The following LMO7 variants were observed in gnomAD, a reference collection of about 807,000 sequenced individuals.
LMO7 encodes LIM domain 7.
In LMO7, 120 loss-of-function variants were observed where a neutral mutation model predicts 206.5. The observed-to-expected ratio is 0.58, with a 90% CI of 0.50 to 0.68. The LOEUF is 0.68. Among genes scored for constraint, LMO7 ranks in the 30% least tolerant of loss-of-function variants. The probability of loss-of-function intolerance (pLI) is 0.00; values close to 1 mark genes in which losing one functional copy is unlikely to be tolerated. For missense variants in LMO7, 1,959 were observed against 1,957.9 expected (o/e 1.00, Z -0.01); for synonymous variants, 706 against 681.5 (o/e 1.04, Z -0.56).
At chr13:75,652,724 T>A (rs1263831427) in intron 1 of LMO7, among the ~76,000 whole-genome samples, 3 of 151,348 alleles carry the variant, frequency 2.0e-5, no homozygotes, top group Admixed American at 6.6e-5. Context: ...TTACAATTAT[T>A]GCCAATGCAG....
chr13:75,633,369 T>C (rs984209488), upstream of LMO7, among the ~76,000 whole-genome samples: 10 of 152,128 alleles, frequency 6.6e-5, no homozygotes, highest in African/African-American at 2.4e-4. Flanking sequence ...AGACTAGAGA[T>C]AGTGCCAATA....
At chr13:75,726,395 G>C (rs2044477092) in intron 2 of LMO7, among the ~76,000 whole-genome samples, 1 of 151,966 alleles carries the variant, frequency 6.6e-6, no homozygotes, top group Admixed American at 6.6e-5. Context: ...ACTTAAACTG[G>C]TTCTGTTTAA....
rs1038300568 is a variant in LMO7, at chr13:75,796,862, G to A, written c.462+113G>A. 7.3e-6 allele frequency: 5 copies of A among 682,240 alleles called. No homozygotes were observed. The Admixed American group carries it at 7.4e-5, about 10-fold the overall frequency. 42.3% of individuals were successfully genotyped at this position (682,240 alleles called of 1,614,324 possible). On this transcript the variant is annotated intron_variant, in intron 6 of 30. Transcript: ENST00000377534. ...CCTCTATAACAAATATGGCAACTCCGACTCTCTTTGTCCTACTATCAATTG... is the reference window on the plus strand; with the variant it reads ...CCTCTATAACAAATATGGCAACTCCAACTCTCTTTGTCCTACTATCAATTG...
chr13:75,711,469 A>ATTT (rs2043116444), intron 1 of LMO7, among the ~76,000 whole-genome samples: 1 of 152,130 alleles, frequency 6.6e-6, no homozygotes, highest in Admixed American at 6.5e-5. Context: ...TATTGCCTCA[A>ATTT]TTTCAGAGCC....
chr13:75,854,026 T>C (rs533837219), intron 28 of LMO7, among the ~76,000 whole-genome samples: 1 of 152,280 alleles, frequency 6.6e-6, no homozygotes, highest in South Asian at 2.1e-4. Context: ...GGGAAGTGTA[T>C]ATGTTATGAT....
intron 1 of LMO7, among the ~76,000 whole-genome samples, chr13:75,622,943 T>C (rs989897246): frequency 2.2e-4 from 33 of 152,206 alleles, no homozygotes; most frequent in Admixed American, 2.2e-3. Context: ...AATTATTTTG[T>C]TGAAGAAACT....
chr13:75,776,878 T>G (rs561971698), intron 4 of LMO7, among the ~76,000 whole-genome samples: 1 of 152,352 alleles, frequency 6.6e-6, no homozygotes, highest in East Asian at 1.9e-4. Flanking sequence ...TGTGAATTGT[T>G]AATTTGAGAA....
At chr13:75,676,486 G>T (rs1430017231) in intron 1 of LMO7, among the ~76,000 whole-genome samples, 1 of 152,186 alleles carries the variant, frequency 6.6e-6, no homozygotes. Context: ...TAAGCAATGT[G>T]GTAGGTAATG....
Position 75,767,083 on chromosome 13 carries a change from G to A in LMO7, c.317+6045G>A, listed in dbSNP as rs545721239. Among the ~76,000 whole-genome samples the A allele has an allele frequency of 1.6e-4, 25 of 152,186 alleles. No homozygotes were observed. In the South Asian group the frequency reaches 4.2e-3, roughly 25 times the overall value. On this transcript the variant is annotated intron_variant, in intron 4 of 30. Coordinates refer to ENST00000377534, the MANE Select transcript of LMO7 (RefSeq NM_001306080.2). ...AAAACTTATGCAGTTTAAGAGGAGC[G>A]TGTGTTTCATTTCTGTATGTAATAA... is the stretch of plus-strand genomic sequence containing the variant.
chr13:75,746,157 C>G (rs1313119450), intron 3 of LMO7, among the ~76,000 whole-genome samples: 5 of 151,862 alleles, frequency 3.3e-5, no homozygotes, highest in Non-Finnish European at 7.4e-5. Flanking sequence ...GGCTTTTGCA[C>G]CAGTAGTTTA....
At chr13:75,679,158 G>A (rs2040273238) in intron 1 of LMO7, among the ~76,000 whole-genome samples, 1 of 152,112 alleles carries the variant, frequency 6.6e-6, no homozygotes. Flanking sequence ...TTGTATATAA[G>A]AAACATTGTA....
In LMO7 at chr13:75,733,915, T is replaced by A. The variant is rs368917292; in HGVS notation, c.210+6817T>A. 5.3e-5 allele frequency among the ~76,000 whole-genome samples: 8 copies of A among 152,346 alleles called. No homozygotes were observed. The East Asian group carries it at 9.7e-4, about 18-fold the overall frequency. On this transcript the variant is annotated intron_variant, in intron 3 of 30. Transcript: ENST00000377534. ...TGAAGCTCAGCCCTGTGTGCGCTGT[T>A]TGCTGGCTACCACAATGGTGGCCCA...
intron 14 of LMO7, among the ~76,000 whole-genome samples, chr13:75,822,974 G>A (rs916404155): frequency 6.6e-6 from 1 of 151,744 alleles, no homozygotes; most frequent in African/African-American, 2.4e-5. Context: ...AACTTTAAAT[G>A]CACATCAAAT....
intron 3 of LMO7, among the ~76,000 whole-genome samples, chr13:75,735,364 TAC>T (rs139581801): frequency 1.4e-4 from 21 of 150,092 alleles, no homozygotes; most frequent in Middle Eastern, 3.4e-3. Flanking sequence ...TGTATTTGTA[TAC>T]ACACACACAC....
chr13:75,621,968 A>G, intron 1 of LMO7: 3 of 751,384 alleles, frequency 4.0e-6, no homozygotes, highest in Non-Finnish European at 3.9e-6. Context: ...GTAGGTGGAA[A>G]AGAGGTCAGT....
Position 75,807,765 on chromosome 13 carries a change from A to G in LMO7, c.1482A>G (p.Val494=). 3.1e-6 allele frequency: 5 copies of G among 1,614,032 alleles called. No homozygotes were observed. Among genetic ancestry groups the G allele is most frequent in the Non-Finnish European group, 4.2e-6 (5 of 1,179,892 alleles). ...FRKFSEQDDS[V]ERDIILQCRE... is the part of the protein sequence containing the mutation. ...AGTTCTCTGAGCAAGATGATTCTGT[A>G]GAGCGAGATATAATTTTACAGTGTA... is the stretch of plus-strand genomic sequence containing the variant. The change falls in exon 10 of 31, where the codon GTA becomes GTG. Residue 494 remains valine (V), a synonymous_variant. Coordinates refer to ENST00000377534, the MANE Select transcript of LMO7 (RefSeq NM_001306080.2).
exon 1 of LMO7, chr13:75,621,499 A>G (rs1397952246): frequency 3.0e-6 from 1 of 332,328 alleles, no homozygotes; most frequent in Non-Finnish European, 5.4e-6. Flanking sequence ...CTTTTTGATA[A>G]CTATGTTTAT....
chr13:75,663,211 CTT>C (rs2038767253), intron 1 of LMO7, among the ~76,000 whole-genome samples: 1 of 151,226 alleles, frequency 6.6e-6, no homozygotes, highest in Non-Finnish European at 1.5e-5. Flanking sequence ...GTTTTTTAGA[CTT>C]ATTTTTATCT....
intron 3 of LMO7, among the ~76,000 whole-genome samples, chr13:75,753,421 T>C (rs892838073): frequency 2.0e-5 from 3 of 152,194 alleles, no homozygotes; most frequent in African/African-American, 7.2e-5. Flanking sequence ...TTAAATCCCG[T>C]TTGTCTATTC....
Sources: allele counts gnomAD v4.1 joint callset (sites outside exome capture counted in the v4.1 genomes callset), GRCh38; gene constraint gnomAD v4.1.1; transcripts MANE v1.5; gene names NCBI Gene and HGNC (gene_info 2026-07-23, HGNC 2026-07-21).